The following MMP26 variants were observed in gnomAD, a reference collection of about 807,000 sequenced individuals.
The protein encoded by MMP26 is matrix metallopeptidase 26, also known as matrix metalloproteinase-26.
MMP26 carries 33 observed loss-of-function variants against 31.0 expected under a neutral mutation model. The ratio of observed to expected loss-of-function variants is 1.06; its 90% CI spans 0.81 to 1.42. The LOEUF (loss-of-function observed/expected upper bound fraction) is 1.42, where lower values mean the gene tolerates loss of function less well. Among genes scored for constraint, MMP26 ranks in the 40% most tolerant of loss-of-function variants. MMP26 has a pLI of 0.00. For missense variants in MMP26, 347 were observed against 316.1 expected (o/e 1.10, Z -0.74); for synonymous variants, 122 against 114.9 (o/e 1.06, Z -0.40).
At chr11:4,804,327 A>C in intron 2 of MMP26, 2 of 1,614,170 alleles carry the variant, frequency 1.2e-6, no homozygotes, top group Non-Finnish European at 1.7e-6. Flanking sequence ...CTGGGATTCC[A>C]AGCAGGATGA....
chr11:4,905,586 G>C (rs1850873692), intron 2 of MMP26, among the ~76,000 whole-genome samples: 1 of 152,054 alleles, frequency 6.6e-6, no homozygotes, highest in South Asian at 2.1e-4. Context: ...AGTGAGGATA[G>C]CTTGTCTTCT....
In MMP26 at chr11:4,992,337, G is replaced by A. The variant is rs755803516; in HGVS notation, c.*95G>A. 5.6e-6 allele frequency: 7 copies of A among 1,248,752 alleles called. No individual in the cohort carries two copies. Among genetic ancestry groups the A allele is most frequent in the Non-Finnish European group, 7.9e-6 (7 of 889,816 alleles). The allele number at this position is 1,248,752 out of a possible 1,614,324, so 77.4% of individuals were successfully genotyped here. A position where few individuals can be genotyped will look rare whatever the true frequency, so the allele number is the denominator to read the frequency against. ...ACTAGAGCAGCCTTGGGGACTGCTA[G>A]GATGAAGCCCTAAAGAATGCAACCT... is the stretch of plus-strand genomic sequence containing the variant. On this transcript the variant is annotated 3_prime_UTR_variant, in exon 8 of 8. Transcript: ENST00000380390.
At chr11:4,745,843 A>G (rs1848373124) in intron 1 of MMP26, among the ~76,000 whole-genome samples, 1 of 152,176 alleles carries the variant, frequency 6.6e-6, no homozygotes, top group African/African-American at 2.4e-5. Flanking sequence ...GATGTCATAT[A>G]GTTGGAGTTA....
At position 4,955,378 on chromosome 11, in the gene MMP26, C is replaced by T. The variant is rs1432638336; in HGVS notation, c.-144-32690C>T. On this transcript the variant is annotated intron_variant, in intron 2 of 7. Coordinates refer to ENST00000380390, the MANE Select transcript of MMP26 (RefSeq NM_021801.5). ...ACATGATCAGGAGGACTGAGGACTC[C>T]AGTACTGAGAATCCATGAATGAAGA... 9.9e-6 allele frequency: 12 copies of T among 1,216,756 alleles called. 3 individuals carry two copies. In the South Asian group the frequency reaches 1.4e-4, roughly 14 times the overall value. 75.4% of individuals were successfully genotyped at this position (1,216,756 alleles called of 1,614,324 possible).
At chr11:4,867,693 T>C (rs761431985) in intron 2 of MMP26, among the ~76,000 whole-genome samples, 18 of 152,032 alleles carry the variant, frequency 1.2e-4, no homozygotes, top group Non-Finnish European at 1.9e-4. Context: ...GCAGCTGAGA[T>C]GCTGTCTTAC....
chr11:4,775,210 C>T (rs1395505813), intron 2 of MMP26, among the ~76,000 whole-genome samples: 2 of 152,076 alleles, frequency 1.3e-5, no homozygotes, highest in Non-Finnish European at 2.9e-5. Flanking sequence ...CTATAAATTA[C>T]TTTGGATAGT....
intron 2 of MMP26, 32 bp downstream of exon 2, chr11:4,767,373 AC>A (rs1848645499): frequency 6.6e-6 from 1 of 152,146 alleles, no homozygotes; most frequent in Non-Finnish European, 1.5e-5. Flanking sequence ...ATGAATTATC[AC>A]CCCAATAAGT....
chr11:4,876,296 G>A (rs1273202686), intron 2 of MMP26: 2 of 152,124 alleles, frequency 1.3e-5, no homozygotes, highest in East Asian at 1.9e-4. Context: ...CCTAGTAGGT[G>A]CAGATGTTAA....
chr11:4,901,070 A>C (rs539639865), intron 2 of MMP26, among the ~76,000 whole-genome samples: 1 of 151,628 alleles, frequency 6.6e-6, no homozygotes, highest in South Asian at 2.1e-4. Flanking sequence ...ACGTAGCTAC[A>C]AGTGTAAGCT....
chr11:4,773,761 C>T (rs1331831068), intron 2 of MMP26, among the ~76,000 whole-genome samples: 2 of 152,036 alleles, frequency 1.3e-5, no homozygotes, highest in Non-Finnish European at 2.9e-5. Context: ...AATGCATTAG[C>T]TATTTTTCCT....
intron 2 of MMP26, among the ~76,000 whole-genome samples, chr11:4,846,928 G>A (rs11821302): frequency 6.6e-6 from 1 of 152,104 alleles, no homozygotes; most frequent in South Asian, 2.1e-4. Flanking sequence ...TCAGTAGGTT[G>A]TCAGAGACCC....
intron 1 of MMP26, among the ~76,000 whole-genome samples, chr11:4,765,513 T>C (rs961479795): frequency 6.6e-6 from 1 of 152,198 alleles, no homozygotes; most frequent in Non-Finnish European, 1.5e-5. Context: ...TTATGCTCTA[T>C]TATCCATGTG....
At chr11:4,896,269 G>A (rs1024204505) in intron 2 of MMP26, among the ~76,000 whole-genome samples, 7 of 152,004 alleles carry the variant, frequency 4.6e-5, no homozygotes, top group Admixed American at 1.3e-4. Context: ...GTTTATTCTA[G>A]CGCTTTCTCT....
intron 2 of MMP26, among the ~76,000 whole-genome samples, chr11:4,789,530 CTTTTT>C (rs71050429): frequency 2.4e-4 from 16 of 65,966 alleles, no homozygotes; most frequent in Admixed American, 2.8e-4. Context: ...TATCCCCCCA[CTTTTT>C]TTTTTTTTTT....
intron 2 of MMP26, among the ~76,000 whole-genome samples, chr11:4,813,619 A>G (rs1010422388): frequency 4.6e-5 from 7 of 152,098 alleles, no homozygotes; most frequent in African/African-American, 1.7e-4. Flanking sequence ...TATGAAAAAA[A>G]CAAAGTGAAA....
At chr11:4,942,237 A>T (rs1846221379) in intron 2 of MMP26, among the ~76,000 whole-genome samples, 1 of 151,914 alleles carries the variant, frequency 6.6e-6, no homozygotes, top group Non-Finnish European at 1.5e-5. Flanking sequence ...GTCTTACATT[A>T]AAAAAAGTTT....
chr11:4,918,191 C>T (rs1213457648), intron 2 of MMP26, among the ~76,000 whole-genome samples: 1 of 151,952 alleles, frequency 6.6e-6, no homozygotes, highest in Non-Finnish European at 1.5e-5. Flanking sequence ...CAGTCAGTGC[C>T]GGAGCTGGAA....
chr11:4,959,787 T>C (rs1394320309), intron 2 of MMP26, among the ~76,000 whole-genome samples: 1 of 152,212 alleles, frequency 6.6e-6, no homozygotes, highest in East Asian at 1.9e-4. Context: ...CTAACTTGTT[T>C]ATTGTTGACT....
At chr11:4,970,703 A>G (rs952058644) in intron 2 of MMP26, among the ~76,000 whole-genome samples, 4 of 152,146 alleles carry the variant, frequency 2.6e-5, no homozygotes, top group Non-Finnish European at 5.9e-5. Flanking sequence ...TGCTGGTGAG[A>G]CCAAATGGTC....
Sources: gnomAD v4.1 joint callset for allele counts (sites outside exome capture counted in the v4.1 genomes callset) on GRCh38, gnomAD v4.1.1 for gene constraint, MANE v1.5 for transcripts, NCBI Gene and HGNC (gene_info 2026-07-23, HGNC 2026-07-21) for gene names.